Variants in TEAD1 observed in about 807,000 individuals in gnomAD.
TEAD1 encodes the protein transcriptional enhancer factor TEF-1.
Under a neutral mutation model 54.9 loss-of-function variants are expected in TEAD1, and 9 were observed. The ratio of observed to expected loss-of-function variants is 0.16; its 90% CI spans 0.10 to 0.29. The LOEUF is 0.29. Among genes scored for constraint, TEAD1 ranks in the 10% least tolerant of loss-of-function variants. The pLI is 1.00. For missense variants in TEAD1, 387 were observed against 535.9 expected (o/e 0.72, Z 2.74); for synonymous variants, 200 against 187.8 (o/e 1.07, Z -0.53).
At chr11:12,848,027 T>G (rs1331052143) in intron 3 of TEAD1, among the ~76,000 whole-genome samples, 1 of 152,174 alleles carries the variant, frequency 6.6e-6, no homozygotes, top group East Asian at 1.9e-4. Flanking sequence ...GCTAGGGCAG[T>G]GGGGTCAGTG....
chr11:12,916,668 C>A (rs1051999909), intron 10 of TEAD1, among the ~76,000 whole-genome samples: 1 of 152,238 alleles, frequency 6.6e-6, no homozygotes, highest in Non-Finnish European at 1.5e-5. Context: ...AAATCTCTCA[C>A]TTCTGCTGCC....
chr11:12,676,605 T>C (rs1254143014), intron 2 of TEAD1, among the ~76,000 whole-genome samples: 3 of 152,182 alleles, frequency 2.0e-5, no homozygotes, highest in Admixed American at 2.0e-4. Flanking sequence ...TCTTTTCCTC[T>C]TTAGAAGGAA....
intron 2 of TEAD1, among the ~76,000 whole-genome samples, chr11:12,743,890 C>A (rs550489189): frequency 1.3e-5 from 2 of 152,130 alleles, no homozygotes; most frequent in South Asian, 4.1e-4. Context: ...TGGGACACTA[C>A]GAAGGGGACA....
chr11:12,713,011 A>G (rs1220452397), intron 2 of TEAD1, among the ~76,000 whole-genome samples: 1 of 151,904 alleles, frequency 6.6e-6, no homozygotes, highest in African/African-American at 2.4e-5. Flanking sequence ...GGGCCTGTGC[A>G]TTTGTTTGTT....
chr11:12,793,822 G>C (rs144214718), intron 3 of TEAD1, among the ~76,000 whole-genome samples: 1 of 152,296 alleles, frequency 6.6e-6, no homozygotes, highest in East Asian at 1.9e-4. Flanking sequence ...ACTGAGTGCT[G>C]ACTGTCCAGA....
chr11:12,893,353 G>A (rs982896669), intron 9 of TEAD1, among the ~76,000 whole-genome samples: 1 of 152,168 alleles, frequency 6.6e-6, no homozygotes. Flanking sequence ...ACAGTCCTGA[G>A]CCCTTGCCGA....
chr11:12,931,507 T>C (rs1262505510), intron 12 of TEAD1, among the ~76,000 whole-genome samples: 1 of 152,214 alleles, frequency 6.6e-6, no homozygotes, highest in Non-Finnish European at 1.5e-5. Flanking sequence ...CAGGAATTCT[T>C]TACTTGGTGT....
chr11:12,697,797 C>A (rs1590062064), intron 2 of TEAD1, among the ~76,000 whole-genome samples: 1 of 152,052 alleles, frequency 6.6e-6, no homozygotes, highest in Non-Finnish European at 1.5e-5. Flanking sequence ...CCGAGGCGGG[C>A]GGATCACTAG....
intron 3 of TEAD1, among the ~76,000 whole-genome samples, chr11:12,765,904 A>G (rs1945198983): frequency 1.3e-5 from 2 of 152,170 alleles, no homozygotes; most frequent in South Asian, 4.1e-4. Context: ...TGGTCTCTTC[A>G]TCTCAGCCTG....
chr11:12,719,475 T>C (rs1450775925), intron 2 of TEAD1, among the ~76,000 whole-genome samples: 1 of 151,302 alleles, frequency 6.6e-6, no homozygotes, highest in East Asian at 2.0e-4. Flanking sequence ...TAACCACACA[T>C]TGCGGCTCTC....
intron 2 of TEAD1, among the ~76,000 whole-genome samples, chr11:12,734,248 A>G (rs1944481517): frequency 6.6e-6 from 1 of 152,184 alleles, no homozygotes; most frequent in African/African-American, 2.4e-5. Flanking sequence ...AAAATAAGAA[A>G]AGAAAAAAAA....
intron 2 of TEAD1, among the ~76,000 whole-genome samples, chr11:12,729,330 A>G (rs1303536437): frequency 6.6e-6 from 1 of 152,242 alleles, no homozygotes; most frequent in Non-Finnish European, 1.5e-5. Flanking sequence ...AATCCTGGAC[A>G]TCTTGTTAAG....
intron 11 of TEAD1, among the ~76,000 whole-genome samples, chr11:12,927,113 AG>A (rs1948916337): frequency 6.6e-6 from 1 of 152,250 alleles, no homozygotes; most frequent in East Asian, 1.9e-4. Context: ...ATGCAAATTC[AG>A]GGAGCAGGGA....
intron 2 of TEAD1, among the ~76,000 whole-genome samples, chr11:12,747,835 A>G (rs1180273812): frequency 1.3e-5 from 2 of 152,260 alleles, no homozygotes; most frequent in Non-Finnish European, 2.9e-5. Context: ...ATGAAAAGAA[A>G]TGTAGGCACA....
chr11:12,881,465 A>C (rs1437619045), intron 7 of TEAD1, among the ~76,000 whole-genome samples: 3 of 152,332 alleles, frequency 2.0e-5, no homozygotes, highest in South Asian at 2.1e-4. Flanking sequence ...CAAGAGAAGA[A>C]AGATCAGTAA....
chr11:12,745,560 C>G (rs961109493), intron 2 of TEAD1, among the ~76,000 whole-genome samples: 3 of 148,938 alleles, frequency 2.0e-5, no homozygotes, highest in Non-Finnish European at 3.0e-5. Context: ...GCTGGTCTGG[C>G]TGCCTCTAAA....
intron 2 of TEAD1, among the ~76,000 whole-genome samples, chr11:12,713,934 C>G (rs1358665939): frequency 6.6e-6 from 1 of 152,216 alleles, no homozygotes; most frequent in Non-Finnish European, 1.5e-5. Flanking sequence ...TACTGGCCAG[C>G]CTTCAGACTT....
intron 3 of TEAD1, among the ~76,000 whole-genome samples, chr11:12,765,509 G>C (rs1945189443): frequency 6.6e-6 from 1 of 152,134 alleles, no homozygotes; most frequent in Admixed American, 6.5e-5. Flanking sequence ...TTTGTAATAA[G>C]GTGTTGTACC....
chr11:12,781,917 C>G (rs1210453324), intron 3 of TEAD1, among the ~76,000 whole-genome samples: 1 of 138,708 alleles, frequency 7.2e-6, no homozygotes, highest in East Asian at 2.1e-4. Flanking sequence ...GAGTTAGAAT[C>G]CAGCCTGGGC....
Sources: allele counts gnomAD v4.1 joint callset (sites outside exome capture counted in the v4.1 genomes callset), GRCh38; gene constraint gnomAD v4.1.1; transcripts MANE v1.5; gene names NCBI Gene and HGNC (gene_info 2026-07-23, HGNC 2026-07-21).